The following ERC2 variants were observed in gnomAD, a reference collection of about 807,000 sequenced individuals.
The protein encoded by ERC2 is ELKS/RAB6-interacting/CAST family member 2.
A neutral mutation model predicts 114.8 loss-of-function variants in ERC2; 42 were observed. That is an observed-to-expected ratio of 0.37 (90% CI 0.29 to 0.47). The LOEUF (loss-of-function observed/expected upper bound fraction) is 0.47, where lower values mean the gene tolerates loss of function less well. Among genes scored for constraint, ERC2 ranks in the 20% least tolerant of loss-of-function variants. The pLI is 0.99. For synonymous variants in ERC2, 454 were observed against 425.5 expected (o/e 1.07, Z -0.82); for missense variants, 939 against 1,150.7 (o/e 0.82, Z 2.66).
chr3:56,276,268 G>A (rs554539539), intron 3 of ERC2, among the ~76,000 whole-genome samples: 2 of 152,006 alleles, frequency 1.3e-5, no homozygotes, highest in Admixed American at 6.6e-5. Flanking sequence ...GAAAATGCAA[G>A]GGATTAGATT....
chr3:56,367,945 T>A (rs1486512404), intron 2 of ERC2, among the ~76,000 whole-genome samples: 1 of 118,052 alleles, frequency 8.5e-6, no homozygotes, highest in Admixed American at 8.7e-5. Flanking sequence ...CATCTCTCTT[T>A]AAAAAAAAAA....
intron 3 of ERC2, among the ~76,000 whole-genome samples, chr3:56,175,965 C>T (rs72870183): frequency 2.2e-4 from 33 of 152,210 alleles, no homozygotes; most frequent in African/African-American, 6.5e-4. Context: ...CAATCCAGTG[C>T]CAACACAGCA....
chr3:55,518,799 C>T (rs770504748), intron 17 of ERC2, among the ~76,000 whole-genome samples: 12 of 152,218 alleles, frequency 7.9e-5, no homozygotes, highest in African/African-American at 2.4e-4. Context: ...AATAACCACA[C>T]GTTGTGTTTA....
At chr3:55,976,172 C>T (rs567360967) in intron 12 of ERC2, among the ~76,000 whole-genome samples, 57 of 152,214 alleles carry the variant, frequency 3.7e-4, no homozygotes, top group African/African-American at 2.9e-4. Flanking sequence ...CCAGGGATCT[C>T]GATTATACAG....
intron 17 of ERC2, among the ~76,000 whole-genome samples, chr3:55,523,808 A>T (rs2053126393): frequency 6.6e-6 from 1 of 152,214 alleles, no homozygotes; most frequent in Non-Finnish European, 1.5e-5. Flanking sequence ...TCAAATGCTG[A>T]CTGTGTGCCA....
chr3:55,989,152 A>T (rs757462108), intron 11 of ERC2, among the ~76,000 whole-genome samples: 31 of 152,228 alleles, frequency 2.0e-4, no homozygotes, highest in Non-Finnish European at 4.0e-4. Flanking sequence ...ACGTTTTATG[A>T]ATTACAGTGC....
At chr3:56,364,996 C>T (rs73090565) in intron 2 of ERC2, among the ~76,000 whole-genome samples, 5,175 of 152,196 alleles carry the variant, frequency 0.034, 188 homozygotes, top group African/African-American at 0.083. Context: ...GTTTCCTCAT[C>T]GGAACAATGG....
At chr3:56,015,362 C>A (rs183602438) in intron 8 of ERC2, among the ~76,000 whole-genome samples, 1 of 149,744 alleles carries the variant, frequency 6.7e-6, no homozygotes, top group East Asian at 2.0e-4. Context: ...GCTCTCCCTC[C>A]CCCGACCCCT....
intron 3 of ERC2, among the ~76,000 whole-genome samples, chr3:56,207,793 C>T (rs2150114133): frequency 6.6e-6 from 1 of 151,946 alleles, no homozygotes. Context: ...TAGGAGAGTC[C>T]CTGGTACAAT....
Position 56,172,295 on chromosome 3 carries a change from T to C in ERC2, c.1149+1151A>G, listed in dbSNP as rs760389963. Reference sequence around the variant, plus strand: ...CATACATTATGAGTGCCTTGACTCATGTAACCTCATTTGGGGGACACATAG... The same window carrying C: ...CATACATTATGAGTGCCTTGACTCACGTAACCTCATTTGGGGGACACATAG... On this transcript the variant is annotated intron_variant, in intron 4 of 17. Coordinates refer to ENST00000288221, the MANE Select transcript of ERC2 (RefSeq NM_015576.3). 4.5e-4 allele frequency among the ~76,000 whole-genome samples: 69 copies of C among 152,328 alleles called. 1 individual carries two copies. Among genetic ancestry groups the C allele is most frequent in the Non-Finnish European group, 8.5e-4 (58 of 68,026 alleles).
intron 17 of ERC2, among the ~76,000 whole-genome samples, chr3:55,523,809 C>T (rs1263092149): frequency 2.6e-5 from 4 of 152,208 alleles, no homozygotes; most frequent in Admixed American, 6.5e-5. Flanking sequence ...CAAATGCTGA[C>T]TGTGTGCCAG....
chr3:56,217,838 A>G (rs1413160474), intron 3 of ERC2, among the ~76,000 whole-genome samples: 1 of 152,174 alleles, frequency 6.6e-6, no homozygotes, highest in Non-Finnish European at 1.5e-5. Context: ...AATGCCACGT[A>G]TCTACAACTA....
intron 11 of ERC2, among the ~76,000 whole-genome samples, chr3:55,988,916 A>T (rs536586043): frequency 1.3e-5 from 2 of 152,372 alleles, no homozygotes; most frequent in Admixed American, 6.5e-5. Flanking sequence ...AACTGGAAGA[A>T]GATGTTTTGG....
intron 13 of ERC2, among the ~76,000 whole-genome samples, chr3:55,924,261 A>T (rs769764417): frequency 1.3e-5 from 2 of 152,114 alleles, no homozygotes; most frequent in Non-Finnish European, 2.9e-5. Context: ...CAAGGGCCAG[A>T]CAGTAAAATT....
chr3:55,561,009 C>G (rs1197968461), intron 17 of ERC2, among the ~76,000 whole-genome samples: 3 of 152,084 alleles, frequency 2.0e-5, no homozygotes, highest in South Asian at 2.1e-4. Flanking sequence ...CACACCTCCT[C>G]TTCATGGCTT....
At chr3:55,674,570 C>T (rs966244275) in intron 17 of ERC2, among the ~76,000 whole-genome samples, 8 of 152,200 alleles carry the variant, frequency 5.3e-5, no homozygotes, top group South Asian at 2.1e-4. Context: ...AAGCAATCTG[C>T]GATTATTATT....
intron 14 of ERC2, among the ~76,000 whole-genome samples, chr3:55,774,869 G>A (rs904648992): frequency 1.3e-5 from 2 of 152,144 alleles, no homozygotes; most frequent in African/African-American, 2.4e-5. Flanking sequence ...TTAAGAGAAT[G>A]GCACGTTTTA....
At chr3:56,365,723 T>C (rs569189029) in intron 2 of ERC2, among the ~76,000 whole-genome samples, 47 of 152,366 alleles carry the variant, frequency 3.1e-4, no homozygotes, top group African/African-American at 1.1e-3. Context: ...TAAAGTTTAA[T>C]TGGAACACAG....
At chr3:56,399,955 T>G (rs1008856998) in intron 2 of ERC2, among the ~76,000 whole-genome samples, 25 of 152,200 alleles carry the variant, frequency 1.6e-4, no homozygotes, top group African/African-American at 5.5e-4. Flanking sequence ...AAAAAGTAAG[T>G]GAGCCTTTTA....
Sources: allele counts gnomAD v4.1 joint callset (sites outside exome capture counted in the v4.1 genomes callset), GRCh38; gene constraint gnomAD v4.1.1; transcripts MANE v1.5; gene names NCBI Gene and HGNC (gene_info 2026-07-23, HGNC 2026-07-21).